CELF4: variants seen among roughly 807,000 people sequenced by gnomAD.
CELF4 encodes the protein CUGBP Elav-like family member 4, also known as CUG-BP- and ETR-3-like factor 4.
In CELF4, 18 loss-of-function variants were observed where a neutral mutation model predicts 59.9. The observed-to-expected ratio is 0.30, with a 90% CI of 0.21 to 0.45. The LOEUF (loss-of-function observed/expected upper bound fraction) is 0.45. CELF4 is among the 20% of genes least tolerant of loss of function. The pLI is 1.00. For synonymous variants in CELF4, 261 were observed against 267.1 expected (o/e 0.98, Z 0.22); for missense variants, 456 against 689.0 (o/e 0.66, Z 3.79).
In CELF4 at chr18:37,381,233, T is replaced by C. The variant is rs137969218; in HGVS notation, c.370-59352A>G. 3.3e-5 allele frequency among the ~76,000 whole-genome samples: 5 copies of C among 152,274 alleles called. No individual in the cohort carries two copies. The East Asian group carries it at 9.7e-4, about 29-fold the overall frequency. On this transcript the variant is annotated intron_variant, in intron 2 of 12. Transcript: ENST00000420428. ...GCCGTACACTAGTACTGGAATAAGGTCTAGTCGTAGACTGCAGGAGGCCAG... is the reference window on the plus strand; with the variant it reads ...GCCGTACACTAGTACTGGAATAAGGCCTAGTCGTAGACTGCAGGAGGCCAG...
At chr18:37,293,748 G>A (rs1053245932) in intron 3 of CELF4, among the ~76,000 whole-genome samples, 3 of 152,166 alleles carry the variant, frequency 2.0e-5, no homozygotes, top group Admixed American at 2.0e-4. Flanking sequence ...TATCCTAAGA[G>A]GTTATCTGAT....
At chr18:37,278,248 T>C (rs2093650184) in intron 3 of CELF4, among the ~76,000 whole-genome samples, 1 of 152,182 alleles carries the variant, frequency 6.6e-6, no homozygotes, top group Non-Finnish European at 1.5e-5. Context: ...AGGGAAACTA[T>C]AGCCACCCTT....
At chr18:37,335,389 T>TAAATGGGTG (rs1168897045) in intron 2 of CELF4, among the ~76,000 whole-genome samples, 29 of 152,022 alleles carry the variant, frequency 1.9e-4, no homozygotes, top group African/African-American at 6.5e-4. Context: ...GTGGGCCATG[T>TAAATGGGTG]AAATGGGTGA....
At chr18:37,367,207 G>T (rs2154563089) in intron 2 of CELF4, among the ~76,000 whole-genome samples, 1 of 152,284 alleles carries the variant, frequency 6.6e-6, no homozygotes, top group East Asian at 1.9e-4. Context: ...TGATGGTGGT[G>T]GTGGCTACCT....
At chr18:37,349,132 T>C (rs1459746859) in intron 2 of CELF4, among the ~76,000 whole-genome samples, 1 of 152,184 alleles carries the variant, frequency 6.6e-6, no homozygotes, top group Non-Finnish European at 1.5e-5. Context: ...TGGACACAGT[T>C]TGAAGGTAAC....
intron 11 of CELF4, among the ~76,000 whole-genome samples, chr18:37,256,965 C>A (rs1030321680): frequency 6.6e-6 from 1 of 152,150 alleles, no homozygotes; most frequent in Non-Finnish European, 1.5e-5. Flanking sequence ...GTGGCTTAAC[C>A]AGGAACAGCT....
intron 2 of CELF4, among the ~76,000 whole-genome samples, chr18:37,474,452 G>A (rs1231327844): frequency 6.6e-6 from 1 of 152,196 alleles, no homozygotes; most frequent in Non-Finnish European, 1.5e-5. Context: ...TGGCCTTGGG[G>A]TGACGGGGAC....
At chr18:37,546,324 T>G (rs1843986610) in intron 1 of CELF4, among the ~76,000 whole-genome samples, 1 of 152,074 alleles carries the variant, frequency 6.6e-6, no homozygotes, top group Admixed American at 6.5e-5. Context: ...GTGTACTCAC[T>G]TGGAAGTGGT....
At chr18:37,454,933 G>A (rs372837033) in intron 2 of CELF4, among the ~76,000 whole-genome samples, 5 of 152,100 alleles carry the variant, frequency 3.3e-5, no homozygotes, top group South Asian at 2.1e-4. Context: ...TCTCCAGCAC[G>A]AGGACATGGG....
At chr18:37,407,963 G>A (rs1791480) in intron 2 of CELF4, among the ~76,000 whole-genome samples, 36,685 of 151,686 alleles carry the variant, frequency 0.24, 4,879 homozygotes, top group Middle Eastern at 0.44. Context: ...TTGATTTTGG[G>A]AAAAAAAAGG....
intron 2 of CELF4, among the ~76,000 whole-genome samples, chr18:37,424,204 G>A (rs991874082): frequency 3.3e-5 from 5 of 152,148 alleles, no homozygotes; most frequent in Admixed American, 1.3e-4. Flanking sequence ...GCCTAGGAAC[G>A]AGAGGCTCTT....
At chr18:37,365,454 C>T (rs2098764830) in intron 2 of CELF4, among the ~76,000 whole-genome samples, 1 of 148,052 alleles carries the variant, frequency 6.8e-6, no homozygotes, top group African/African-American at 2.5e-5. Flanking sequence ...AGAATTTCTT[C>T]ACAGATCCCT....
chr18:37,364,294 T>A (rs1398666002), intron 2 of CELF4, among the ~76,000 whole-genome samples: 1 of 152,228 alleles, frequency 6.6e-6, no homozygotes, highest in African/African-American at 2.4e-5. Context: ...GTTTTTGCTG[T>A]TTCTCAACCC....
chr18:37,271,183 C>T (rs149493009), intron 7 of CELF4, among the ~76,000 whole-genome samples: 198 of 151,554 alleles, frequency 1.3e-3, no homozygotes, highest in African/African-American at 4.6e-3. Flanking sequence ...ACCCTGATGG[C>T]TTGTCCTTAG....
chr18:37,342,812 G>T (rs1408077809), intron 2 of CELF4, among the ~76,000 whole-genome samples: 1 of 152,228 alleles, frequency 6.6e-6, no homozygotes, highest in African/African-American at 2.4e-5. Context: ...TGCAAAAAAA[G>T]TTGAATCTCA....
At chr18:37,474,453 T>G (rs1308187577) in intron 2 of CELF4, among the ~76,000 whole-genome samples, 1 of 152,126 alleles carries the variant, frequency 6.6e-6, no homozygotes, top group Non-Finnish European at 1.5e-5. Context: ...GGCCTTGGGG[T>G]GACGGGGACG....
chr18:37,282,105 T>C (rs1289755957), intron 3 of CELF4, among the ~76,000 whole-genome samples: 1 of 152,164 alleles, frequency 6.6e-6, no homozygotes, highest in African/African-American at 2.4e-5. Context: ...TTTTAGCACG[T>C]GCGTGGCACA....
chr18:37,533,159 G>A (rs1260331526), intron 1 of CELF4, among the ~76,000 whole-genome samples: 2 of 152,218 alleles, frequency 1.3e-5, no homozygotes, highest in East Asian at 1.9e-4. Context: ...GCGGGTACAC[G>A]GCTGCTTACG....
At chr18:37,534,198 G>A (rs1164467110) in intron 1 of CELF4, among the ~76,000 whole-genome samples, 2 of 152,190 alleles carry the variant, frequency 1.3e-5, no homozygotes, top group Admixed American at 1.3e-4. Flanking sequence ...CTAGTTGTCA[G>A]TTGTGACTTG....
Sources: gnomAD v4.1 joint callset for allele counts (sites outside exome capture counted in the v4.1 genomes callset) on GRCh38, gnomAD v4.1.1 for gene constraint, MANE v1.5 for transcripts, NCBI Gene and HGNC (gene_info 2026-07-23, HGNC 2026-07-21) for gene names.